Variants in TEX9 observed in about 807,000 individuals in gnomAD.
TEX9 encodes the protein testis-expressed protein 9.
In TEX9, 74 loss-of-function variants were observed where a neutral mutation model predicts 59.6. The observed-to-expected ratio is 1.24, with a 90% confidence interval of 1.03 to 1.51. TEX9 has a LOEUF of 1.51. Ranked by LOEUF, TEX9 falls within the 40% of genes most tolerant of loss-of-function variation. The pLI is 0.00. For missense variants in TEX9, 522 were observed against 447.8 expected, an observed-to-expected ratio of 1.17 and a Z score of -1.49; for synonymous variants, 186 against 152.2, an observed-to-expected ratio of 1.22 and a Z score of -1.64.
In TEX9 at chr15:56,414,137, T is replaced by A. The variant is rs2049544224; in HGVS notation, c.963+1701T>A. ...CTAGGTATCAGGATTTCCTAATTGTTGTAGATTTGACCTCTATATTGTATT... is the reference window on the plus strand; with the variant it reads ...CTAGGTATCAGGATTTCCTAATTGTAGTAGATTTGACCTCTATATTGTATT... On this transcript the variant is annotated intron_variant, in intron 10 of 12. Transcript: ENST00000352903. 1.3e-5 allele frequency among the ~76,000 whole-genome samples: 2 copies of A among 151,864 alleles called. 1 individual carries two copies. The highest frequency in any genetic ancestry group is 4.9e-5 in the African/African-American group (2 of 41,188).
chr15:56,364,834 T>C (rs1894623502), upstream of TEX9, among the ~76,000 whole-genome samples: 1 of 152,220 alleles, frequency 6.6e-6, no homozygotes. Context: ...TCAGGCATGA[T>C]CCTAAGCACG....
Position 56,419,643 on chromosome 15 carries a change from G to A in TEX9, c.963+7207G>A, listed in dbSNP as rs75772398. ...TATTATTGGTTACTTTTTTGTGAAT[G>A]TCTGTATACATGGGAACATAGTGCT... On this transcript the variant is annotated intron_variant, in intron 10 of 12. Coordinates refer to ENST00000352903, the Ensembl canonical transcript of TEX9. 8.1e-3 allele frequency among the ~76,000 whole-genome samples: 1,223 copies of A among 151,896 alleles called. 42 individuals are homozygous for A. Among genetic ancestry groups the A allele is most frequent in the African/African-American group, 0.028 (1,144 of 41,238 alleles).
chr15:56,446,317 A>G (rs1176200896), downstream of TEX9, among the ~76,000 whole-genome samples: 1 of 151,914 alleles, frequency 6.6e-6, no homozygotes, highest in Non-Finnish European at 1.5e-5. Context: ...ACAGCAAAGC[A>G]CTCCTAGTGA....
intron 1 of TEX9, among the ~76,000 whole-genome samples, chr15:56,313,083 A>G (rs1469243316): frequency 2.3e-4 from 35 of 150,162 alleles, no homozygotes; most frequent in African/African-American, 8.3e-4. Context: ...CAATCATGTC[A>G]TCTGCAAACA....
At chr15:56,380,067 A>G (rs1036233316) in intron 3 of TEX9, among the ~76,000 whole-genome samples, 1 of 151,804 alleles carries the variant, frequency 6.6e-6, no homozygotes, top group Non-Finnish European at 1.5e-5. Flanking sequence ...CTGTCATTTC[A>G]TTATTTGTTT....
At chr15:56,424,665 C>T (rs795783) in intron 10 of TEX9, among the ~76,000 whole-genome samples, 152,138 of 152,288 alleles carry the variant, frequency 1, 75,994 homozygotes, top group Middle Eastern at 1. Context: ...CCTTGTGTTA[C>T]TGGTGTCACA....
chr15:56,455,638 G>A, the TEX9 span, among the ~76,000 whole-genome samples: 7 of 152,162 alleles, frequency 4.6e-5, no homozygotes, highest in African/African-American at 1.2e-4. Flanking sequence ...TGACAAGGCT[G>A]TTCCTAAAAA....
intron 1 of TEX9, among the ~76,000 whole-genome samples, chr15:56,301,668 A>C (rs1482820161): frequency 6.6e-6 from 1 of 152,020 alleles, no homozygotes; most frequent in Non-Finnish European, 1.5e-5. Context: ...AAAAAAAAAA[A>C]CTTTTACCCT....
At chr15:56,279,882 C>T (rs2044773787) in intron 1 of TEX9, among the ~76,000 whole-genome samples, 1 of 152,158 alleles carries the variant, frequency 6.6e-6, no homozygotes, top group Admixed American at 6.5e-5. Flanking sequence ...ACTTACAATG[C>T]TTTGACTTAC....
intron 1 of TEX9, among the ~76,000 whole-genome samples, chr15:56,347,167 T>A (rs1192478215): frequency 6.6e-6 from 1 of 152,184 alleles, no homozygotes; most frequent in Admixed American, 6.6e-5. Context: ...CAAATTAATA[T>A]ACAGATTTAA....
chr15:56,273,525 G>T (rs555178129), intron 1 of TEX9, among the ~76,000 whole-genome samples: 1 of 152,094 alleles, frequency 6.6e-6, no homozygotes, highest in South Asian at 2.1e-4. Context: ...TAAATAGTTG[G>T]CTATCTTTTA....
intron 9 of TEX9, among the ~76,000 whole-genome samples, chr15:56,407,837 T>A (rs2049152303): frequency 6.6e-6 from 1 of 152,160 alleles, no homozygotes; most frequent in East Asian, 1.9e-4. Context: ...ATCCTTTCAC[T>A]AAATTTACAA....
At chr15:56,296,137 C>T (rs1166875080) in intron 1 of TEX9, among the ~76,000 whole-genome samples, 2 of 152,140 alleles carry the variant, frequency 1.3e-5, no homozygotes, top group Non-Finnish European at 2.9e-5. Context: ...CAGTATACCC[C>T]ACGGCCCAGC....
intron 1 of TEX9, among the ~76,000 whole-genome samples, chr15:56,295,369 C>G (rs1388401267): frequency 6.6e-6 from 1 of 152,222 alleles, no homozygotes; most frequent in Non-Finnish European, 1.5e-5. Context: ...AAAAAAATAA[C>G]TCACCAAGTA....
In TEX9 at chr15:56,344,924, C is replaced by A. The variant is rs189712428; in HGVS notation, c.-106-28517C>A. ...TTTAACACAATACCTAGACCCCATCCACAATGACTGTTACTATTACCCCAA... is the reference window on the plus strand; with the variant it reads ...TTTAACACAATACCTAGACCCCATCAACAATGACTGTTACTATTACCCCAA... On this transcript the variant is annotated intron_variant, in intron 1 of 5. Transcript: ENST00000560827. Among the ~76,000 whole-genome samples the A allele has an allele frequency of 3.2e-3, 493 of 151,702 alleles. 11 individuals carry two copies. Among genetic ancestry groups the A allele is most frequent in the Non-Finnish European group, 9.1e-4 (62 of 67,926 alleles).
At chr15:56,459,553 A>G in the TEX9 span, among the ~76,000 whole-genome samples, 2 of 152,228 alleles carry the variant, frequency 1.3e-5, no homozygotes, top group Non-Finnish European at 2.9e-5. Context: ...TTAAGCAGCT[A>G]AGTTTGTGGT....
chr15:56,246,956 C>A (rs2043872875), intron 1 of TEX9, among the ~76,000 whole-genome samples: 2 of 152,158 alleles, frequency 1.3e-5, no homozygotes, highest in South Asian at 2.1e-4. Flanking sequence ...GAAGTGTTGT[C>A]CACATTTAGA....
intron 12 of TEX9, chr15:56,431,605 T>G: frequency 9.6e-7 from 1 of 1,038,356 alleles, no homozygotes; most frequent in Non-Finnish European, 1.4e-6. Context: ...ATGAACTATT[T>G]ATGACACTAA....
intron 3 of TEX9, among the ~76,000 whole-genome samples, chr15:56,374,881 A>G (rs2047359293): frequency 6.6e-6 from 1 of 152,132 alleles, no homozygotes; most frequent in Admixed American, 6.6e-5. Context: ...ACAGGGCCTC[A>G]TTATTTTTTA....
Sources: gnomAD v4.1 joint callset for allele counts (sites outside exome capture counted in the v4.1 genomes callset) on GRCh38, gnomAD v4.1.1 for gene constraint, MANE v1.5 for transcripts, NCBI Gene and HGNC (gene_info 2026-07-23, HGNC 2026-07-21) for gene names.